Variants in AGBL1 observed in about 807,000 individuals in gnomAD.
AGBL1 encodes the protein AGBL carboxypeptidase 1.
A neutral mutation model predicts 118.9 loss-of-function variants in AGBL1; 130 were observed. The ratio of observed to expected loss-of-function variants is 1.09; its 90% CI spans 0.95 to 1.26. The LOEUF is 1.26. AGBL1 is among the 50% of genes most tolerant of loss of function. AGBL1 has a pLI of 0.00. For missense variants in AGBL1, 1,584 were observed against 1,298.1 expected, an observed-to-expected ratio of 1.22 and a Z score of -3.38; for synonymous variants, 555 against 478.9, an observed-to-expected ratio of 1.16 and a Z score of -2.08.
In AGBL1 at chr15:86,674,385, C is replaced by T; in HGVS notation, c.3107C>T (p.Ala1036Val). 6.2e-7 allele frequency: 1 copy of T among 1,613,252 alleles called. No individual in the cohort carries two copies. The highest frequency in any genetic ancestry group is 1.1e-5 in the South Asian group (1 of 90,946). Reference sequence around the variant, plus strand: ...TGCAGCCATCAGCTCCTGGCTCAAGCTGCAACTCTGCTGAGTGCTGAGGAG... The same window carrying T: ...TGCAGCCATCAGCTCCTGGCTCAAGTTGCAACTCTGCTGAGTGCTGAGGAG... Reference protein sequence around the residue: ...ASCSHQLLAQAATLLSAEEDA... With the variant: ...ASCSHQLLAQVATLLSAEEDA... Residue 1036 changes from alanine (A) to valine (V), a missense_variant, in exon 22 of 23, where the codon GCT (alanine) becomes GTT (valine). Coordinates refer to ENST00000614907, the MANE Select transcript of AGBL1 (RefSeq NM_001386094.1).
intron 18 of AGBL1, among the ~76,000 whole-genome samples, chr15:86,481,949 T>G (rs1469413704): frequency 6.6e-6 from 1 of 152,138 alleles, no homozygotes; most frequent in East Asian, 1.9e-4. Context: ...AAAGCCATGT[T>G]TGCTTCTAGA....
At chr15:86,209,054 T>C (rs937533989) in intron 5 of AGBL1, among the ~76,000 whole-genome samples, 4 of 152,236 alleles carry the variant, frequency 2.6e-5, no homozygotes, top group Admixed American at 6.5e-5. Context: ...TCTTTATTTC[T>C]GCCTTCATTT....
At chr15:86,179,500 A>G (rs1332924573) in intron 5 of AGBL1, among the ~76,000 whole-genome samples, 1 of 152,140 alleles carries the variant, frequency 6.6e-6, no homozygotes, top group Non-Finnish European at 1.5e-5. Flanking sequence ...AAAACATTTG[A>G]CAAGATCTAC....
At chr15:86,241,028 T>G (rs1294554281) in intron 6 of AGBL1, among the ~76,000 whole-genome samples, 1 of 152,086 alleles carries the variant, frequency 6.6e-6, no homozygotes, top group African/African-American at 2.4e-5. Context: ...ATTTTCAGGT[T>G]TATATCATGG....
intron 1 of AGBL1, among the ~76,000 whole-genome samples, chr15:86,098,778 A>G (rs1245899895): frequency 6.6e-6 from 1 of 151,962 alleles, no homozygotes; most frequent in Non-Finnish European, 1.5e-5. Flanking sequence ...TGTGCTTAGG[A>G]TTGCTTTGAC....
At chr15:86,263,144 TG>T (rs2079019511) in intron 10 of AGBL1, among the ~76,000 whole-genome samples, 2 of 152,236 alleles carry the variant, frequency 1.3e-5, no homozygotes, top group South Asian at 4.1e-4. Flanking sequence ...TACAAGGTCA[TG>T]TGCTGCATAA....
chr15:86,952,228 CAA>C (rs553982989), intron 23 of AGBL1, among the ~76,000 whole-genome samples: 5,890 of 133,074 alleles, frequency 0.044, 155 homozygotes, highest in Middle Eastern at 0.085. Flanking sequence ...AACTCTGTCT[CAA>C]AAAAAAAAAA....
chr15:86,607,073 C>T (rs1488899132), intron 21 of AGBL1, among the ~76,000 whole-genome samples: 1 of 152,140 alleles, frequency 6.6e-6, no homozygotes, highest in Non-Finnish European at 1.5e-5. Context: ...AGTATGAAGC[C>T]TTTTCAGATT....
intron 22 of AGBL1, among the ~76,000 whole-genome samples, chr15:86,793,956 G>T (rs961970491): frequency 6.6e-6 from 1 of 152,162 alleles, no homozygotes; most frequent in Admixed American, 6.6e-5. Flanking sequence ...AGTAACCAGC[G>T]TTGGTGAGGC....
intron 21 of AGBL1, among the ~76,000 whole-genome samples, chr15:86,601,595 TG>T (rs1429245780): frequency 2.0e-5 from 3 of 152,158 alleles, no homozygotes. Context: ...TTTCTGTTTC[TG>T]AAAAGACAGA....
intron 23 of AGBL1, among the ~76,000 whole-genome samples, chr15:86,953,531 C>T (rs541846067): frequency 1.3e-5 from 2 of 151,780 alleles, no homozygotes; most frequent in African/African-American, 4.8e-5. Flanking sequence ...GCCGGGACTA[C>T]AGGTACATGC....
At chr15:86,904,722 A>G (rs938668100) in intron 22 of AGBL1, among the ~76,000 whole-genome samples, 2 of 150,318 alleles carry the variant, frequency 1.3e-5, no homozygotes, top group South Asian at 2.1e-4. Flanking sequence ...GTTATAAAAC[A>G]CTAAAATTCA....
chr15:86,231,849 A>G (rs1449818624), intron 6 of AGBL1, among the ~76,000 whole-genome samples: 1 of 152,236 alleles, frequency 6.6e-6, no homozygotes, highest in Non-Finnish European at 1.5e-5. Flanking sequence ...GCTGAAAAAA[A>G]GCTAAATAAA....
chr15:86,561,129 T>A (rs1009449155), intron 21 of AGBL1, among the ~76,000 whole-genome samples: 1 of 152,216 alleles, frequency 6.6e-6, no homozygotes, highest in Non-Finnish European at 1.5e-5. Context: ...GTGCAGAAGC[T>A]CTTTAGTTTA....
At chr15:86,395,277 T>C (rs1443798284) in intron 17 of AGBL1, among the ~76,000 whole-genome samples, 1 of 152,038 alleles carries the variant, frequency 6.6e-6, no homozygotes, top group Non-Finnish European at 1.5e-5. Flanking sequence ...TCTTCATTTT[T>C]TAATTCATCG....
intron 5 of AGBL1, among the ~76,000 whole-genome samples, chr15:86,162,386 TAGATGTG>T (rs1246908518): frequency 6.6e-6 from 1 of 152,116 alleles, no homozygotes; most frequent in Non-Finnish European, 1.5e-5. Flanking sequence ...AACCTAAAAT[TAGATGTG>T]CAGCTGTCCT....
intron 3 of AGBL1, among the ~76,000 whole-genome samples, chr15:86,152,036 A>C (rs1211685981): frequency 6.6e-6 from 1 of 152,220 alleles, no homozygotes; most frequent in African/African-American, 2.4e-5. Context: ...AACAAATGGA[A>C]GAACATTCCA....
At chr15:86,597,325 C>T (rs2142364078) in intron 21 of AGBL1, among the ~76,000 whole-genome samples, 1 of 152,304 alleles carries the variant, frequency 6.6e-6, no homozygotes, top group Non-Finnish European at 1.5e-5. Context: ...GCTAGAGCTT[C>T]TTACGCCAGC....
intron 1 of AGBL1, among the ~76,000 whole-genome samples, chr15:86,083,086 G>A (rs1413748488): frequency 1.3e-5 from 2 of 152,310 alleles, no homozygotes; most frequent in Non-Finnish European, 2.9e-5. Flanking sequence ...AATGACTGTG[G>A]TTTTATGATT....
Sources: gnomAD v4.1 joint callset for allele counts (sites outside exome capture counted in the v4.1 genomes callset) on GRCh38, gnomAD v4.1.1 for gene constraint, MANE v1.5 for transcripts, NCBI Gene and HGNC (gene_info 2026-07-23, HGNC 2026-07-21) for gene names.